The following KLHL26 variants were observed in gnomAD, a reference collection of about 807,000 sequenced individuals.
KLHL26 encodes the protein kelch like family member 26, also known as kelch-like protein 26.
A neutral mutation model predicts 7.1 loss-of-function variants in KLHL26; 4 were observed. The ratio of observed to expected loss-of-function variants is 0.56; its 90% CI spans 0.28 to 1.28. KLHL26 has a LOEUF of 1.28. KLHL26 is among the 50% of genes most tolerant of loss of function. The pLI, the probability that KLHL26 is intolerant of heterozygous loss-of-function variation, is 0.11. For synonymous variants in KLHL26, 465 were observed against 414.1 expected, an observed-to-expected ratio of 1.12 and a Z score of -1.49; for missense variants, 896 against 924.6, an observed-to-expected ratio of 0.97 and a Z score of 0.40.
intron 2 of KLHL26, among the ~76,000 whole-genome samples, chr19:18,665,246 CG>C (rs568750874): frequency 4.1e-4 from 62 of 152,058 alleles, no homozygotes; most frequent in African/African-American, 1.4e-3. Context: ...TTAGTAGAGA[CG>C]GGGTTTCACC....
rs576452550 is a variant in KLHL26 at position 18,656,327 on chromosome 19, A to G, written c.84-7934A>G. Among the ~76,000 whole-genome samples, 14 of 152,158 alleles carry G rather than the reference A, an allele frequency of 9.2e-5. No individual in the cohort carries two copies. The highest frequency in any genetic ancestry group is 3.4e-4 in the African/African-American group (14 of 41,504). On this transcript the variant is annotated intron_variant, in intron 1 of 2. Coordinates refer to ENST00000300976, the MANE Select transcript of KLHL26 (RefSeq NM_018316.3). The surrounding 1 kb of genome is among the most constrained non-coding windows in gnomAD (Gnocchi z 4.4). ...GGGTCATTGGTCGTGGTCCTTTCCA[A>G]TTGATCCTCGATTCCGAAACCTGCC...
Position 18,637,105 on chromosome 19 carries a change from C to T in KLHL26, c.51C>T (p.Phe17=). The part of the protein sequence containing the change: ...SSGGAGGGGA[F]GAGPGPERPN... The stretch of plus-strand genomic sequence containing the variant: ...GTGGTGCTGGTGGCGGCGGCGCTTT[C>T]GGCGCGGGCCCGGGCCCCGAGCGCC... The change falls in exon 1 of 3, where the codon TTC becomes TTT. Residue 17 remains phenylalanine, a synonymous_variant. Coordinates refer to ENST00000300976, the MANE Select transcript of KLHL26 (RefSeq NM_018316.3). 7.3e-7 allele frequency: 1 copy of T among 1,375,152 alleles called. No homozygotes were observed. The highest frequency in any genetic ancestry group is 9.4e-7 in the Non-Finnish European group (1 of 1,064,424). 85.2% of individuals were successfully genotyped at this position (1,375,152 alleles called of 1,614,324 possible).
Position 18,669,593 on chromosome 19 carries a change from A to G in KLHL26, c.*348A>G, listed in dbSNP as rs1256654049. On this transcript the variant is annotated 3_prime_UTR_variant, in exon 3 of 3. Coordinates refer to ENST00000300976, the MANE Select transcript of KLHL26 (RefSeq NM_018316.3). The stretch of plus-strand genomic sequence containing the variant: ...CTGTGCAGCTCCATCTCACTTCTCT[A>G]CTGCCTCCCAGCCCCACGGTTTCAG... 4.0e-6 allele frequency: 2 copies of G among 494,290 alleles called. No individual in the cohort carries two copies. Among genetic ancestry groups the G allele is most frequent in the East Asian group, 3.3e-5 (1 of 30,698 alleles). The allele number at this position is 494,290 out of a possible 1,614,324, so 30.6% of individuals were successfully genotyped here.
In KLHL26 at chr19:18,668,493, G is replaced by C. The variant is rs1276125272; in HGVS notation, c.1096G>C (p.Ala366Pro). Residue 366 changes from alanine (A) to proline (P), a missense_variant, in exon 3 of 3, where the codon GCC becomes CCC. Transcript: ENST00000300976. Reference sequence around the variant, plus strand: ...CGTGCTGGACAATTTTGTGTACGTGGCCGGGGGGCAGCACCTGCAGTACCG... The same window carrying C: ...CGTGCTGGACAATTTTGTGTACGTGCCCGGGGGGCAGCACCTGCAGTACCG... ...VAVLDNFVYV[A>P]GGQHLQYRSG... is the part of the protein sequence containing the mutation. 1.2e-6 allele frequency: 2 copies of C among 1,606,772 alleles called. No individual in the cohort carries two copies. Among genetic ancestry groups the C allele is most frequent in the Non-Finnish European group, 1.7e-6 (2 of 1,178,086 alleles).
Position 18,668,913 on chromosome 19 carries a change from G to A in KLHL26, c.1516G>A (p.Ala506Thr), listed in dbSNP as rs2052492240. 1.2e-6 allele frequency: 2 copies of A among 1,605,218 alleles called. No individual in the cohort carries two copies. Among genetic ancestry groups the A allele is most frequent in the African/African-American group, 2.7e-5 (2 of 74,928 alleles). ...EPRVLHAMVG[A>T]GGRIYALGGR... ...CCGCGTGCTACACGCCATGGTGGGT[G>A]CCGGCGGCCGCATCTATGCCCTCGG... is the stretch of plus-strand genomic sequence containing the variant. The change falls in exon 3 of 3, where the codon GCC becomes ACC. Residue 506 changes from alanine to threonine, a missense_variant. Physicochemically the swap from Ala to Thr is moderately conservative, Grantham distance 58. Coordinates refer to ENST00000300976, the MANE Select transcript of KLHL26 (RefSeq NM_018316.3).
rs531230386 is a variant in KLHL26 at position 18,660,480 on chromosome 19, G to A, written c.84-3781G>A. 9.2e-5 allele frequency among the ~76,000 whole-genome samples: 14 copies of A among 152,332 alleles called. No individual in the cohort carries two copies. The South Asian group carries it at 1.9e-3, about 20-fold the overall frequency. ...GAGTGGCCGTCTGGAGACTCGGACC[G>A]GCTCAGGGCCACCGCCTTCCTGGGG... On this transcript the variant is annotated intron_variant, in intron 1 of 2. Coordinates refer to ENST00000300976, the MANE Select transcript of KLHL26 (RefSeq NM_018316.3).
In KLHL26 at chr19:18,669,684, A is replaced by C; in HGVS notation, c.*439A>C. ...GTGGTATATGACTCACCCTCCTTCC[A>C]AGTCTCCTGCGCGCGTGTTTTTAAA... On this transcript the variant is annotated 3_prime_UTR_variant, in exon 3 of 3. Transcript: ENST00000300976. The C allele has an allele frequency of 3.9e-6, 1 of 256,144 alleles. No individual in the cohort carries two copies. Among genetic ancestry groups the C allele is most frequent in the Non-Finnish European group, 7.4e-6 (1 of 135,010 alleles). 15.9% of individuals were successfully genotyped at this position (256,144 alleles called of 1,614,324 possible).
rs1402118335 is a variant in KLHL26 at position 18,668,816 on chromosome 19, G to A, written c.1419G>A (p.Glu473=). ...CGGGTGGCTACGGGATCTCAGTGGAGGACAAGAAGGCCCTGCACTGCTACG... is the reference window on the plus strand; with the variant it reads ...CGGGTGGCTACGGGATCTCAGTGGAAGACAAGAAGGCCCTGCACTGCTACG... ...YISGGYGISV[E]DKKALHCYDP... Residue 473 remains glutamate, a synonymous_variant, in exon 3 of 3, where the codon GAG becomes GAA. Transcript: ENST00000300976. The A allele has an allele frequency of 3.1e-6, 5 of 1,595,532 alleles. No homozygotes were observed. In the Admixed American group the frequency reaches 6.7e-5, roughly 21 times the overall value.
chr19:18,652,790 C>T (rs1600693747), intron 1 of KLHL26, among the ~76,000 whole-genome samples: 1 of 152,128 alleles, frequency 6.6e-6, no homozygotes, highest in Non-Finnish European at 1.5e-5. Context: ...ACAGCCTCCA[C>T]GAACCAAGGG....
At chr19:18,654,346 TCCA>T (rs1044174915) in intron 1 of KLHL26, among the ~76,000 whole-genome samples, 7 of 131,502 alleles carry the variant, frequency 5.3e-5, no homozygotes, top group Non-Finnish European at 9.7e-5. Context: ...AATCCACTCA[TCCA>T]CCATCTGCCC....
intron 1 of KLHL26, among the ~76,000 whole-genome samples, chr19:18,639,933 G>A (rs1000018416): frequency 2.0e-5 from 3 of 151,890 alleles, no homozygotes; most frequent in South Asian, 2.1e-4. Context: ...TGGCCTTTAC[G>A]TCTGGTTTCT....
chr19:18,642,522 G>A (rs942393938), intron 1 of KLHL26, among the ~76,000 whole-genome samples: 1 of 147,714 alleles, frequency 6.8e-6, no homozygotes, highest in Non-Finnish European at 1.5e-5. Context: ...CTGCCACCAA[G>A]CCTGGCTAAT....
intron 1 of KLHL26, among the ~76,000 whole-genome samples, chr19:18,652,456 A>C (rs990029701): frequency 6.6e-6 from 1 of 151,926 alleles, no homozygotes; most frequent in Non-Finnish European, 1.5e-5. Flanking sequence ...TAGGTGTGGT[A>C]GTGGGCGCCT....
At chr19:18,637,166 C>A in intron 1 of KLHL26, 29 bp downstream of exon 1, 1 of 1,295,340 alleles carries the variant, frequency 7.7e-7, no homozygotes, top group South Asian at 2.5e-5. Context: ...GATAGACCTG[C>A]ACCTGTCTTG....
chr19:18,667,675 C>T lies in KLHL26; in HGVS notation c.278C>T (p.Thr93Ile). ...ACSDYFRAMFTGGMREASQDV... is the reference protein window; with the variant it reads ...ACSDYFRAMFIGGMREASQDV... ...TTTCTGCCCTTCAGGGCCATGTTCA[C>T]CGGCGGCATGCGGGAGGCAAGCCAG... The change falls in exon 3 of 3, where the codon ACC (threonine) becomes ATC (isoleucine). Residue 93 changes from threonine to isoleucine, a missense_variant. Thr to Ile is a moderately conservative substitution (Grantham distance 89, BLOSUM62 -1). Transcript: ENST00000300976. The T allele has an allele frequency of 1.2e-6, 2 of 1,610,986 alleles. No homozygotes were observed. The highest frequency in any genetic ancestry group is 1.3e-5 in the African/African-American group (1 of 75,054).
chr19:18,668,198 G>A lies in KLHL26; in HGVS notation c.801G>A (p.Thr267=), dbSNP rs373295163. 9 of 1,611,408 alleles carry A rather than the reference G, an allele frequency of 5.6e-6. No homozygotes were observed. In the African/African-American group the frequency reaches 6.7e-5, roughly 12 times the overall value. Residue 267 remains threonine (T), a synonymous_variant, in exon 3 of 3, where the codon ACG becomes ACA. Coordinates refer to ENST00000300976, the MANE Select transcript of KLHL26 (RefSeq NM_018316.3). Reference sequence around the variant, plus strand: ...CCGAGCTGGTGGACAGCGTGCAGACGCTGGACATCATGGTGGAGGACGTGC... The same window carrying A: ...CCGAGCTGGTGGACAGCGTGCAGACACTGGACATCATGGTGGAGGACGTGC... ...QSSELVDSVQ[T]LDIMVEDVLC...
intron 1 of KLHL26, among the ~76,000 whole-genome samples, chr19:18,651,712 G>C (rs1032100001): frequency 6.6e-6 from 1 of 152,278 alleles, no homozygotes; most frequent in Non-Finnish European, 1.5e-5. Context: ...AGGCAGTGGG[G>C]TGGGCTGCCT....
chr19:18,647,358 C>A (rs1976822798), intron 1 of KLHL26, among the ~76,000 whole-genome samples: 1 of 152,224 alleles, frequency 6.6e-6, no homozygotes, highest in South Asian at 2.1e-4. Context: ...CCCACCTCCC[C>A]CACGGCGATT....
chr19:18,658,836 C>G (rs2052362104), intron 1 of KLHL26, among the ~76,000 whole-genome samples: 1 of 150,364 alleles, frequency 6.7e-6, no homozygotes, highest in Non-Finnish European at 1.5e-5. Flanking sequence ...CTCTCCCTCT[C>G]CCTTTCTCTG....
Sources: gnomAD v4.1 joint callset for allele counts (sites outside exome capture counted in the v4.1 genomes callset) on GRCh38, gnomAD v4.1.1 for gene constraint, Gnocchi (gnomAD v3.1) non-coding constraint, MANE v1.5 for transcripts, NCBI Gene and HGNC (gene_info 2026-07-23, HGNC 2026-07-21) for gene names.